The following ANKFN1 variants were observed in gnomAD, a reference collection of about 807,000 sequenced individuals.
ANKFN1 encodes the protein ankyrin repeat and fibronectin type-III domain-containing protein 1.
In ANKFN1, 74 loss-of-function variants were observed where a neutral mutation model predicts 108.7. That is an observed-to-expected ratio of 0.68 (90% CI 0.56 to 0.83). ANKFN1 has a LOEUF of 0.83. Among genes scored for constraint, ANKFN1 ranks in the 40% least tolerant of loss-of-function variants. The pLI is 0.00. For synonymous variants in ANKFN1, 547 were observed against 516.2 expected, an observed-to-expected ratio of 1.06 and a Z score of -0.81; for missense variants, 1,505 against 1,382.3, an observed-to-expected ratio of 1.09 and a Z score of -1.41.
intron 6 of ANKFN1, among the ~76,000 whole-genome samples, chr17:56,366,281 A>G (rs372770517): frequency 1.3e-5 from 2 of 152,240 alleles, no homozygotes; most frequent in South Asian, 2.1e-4. Context: ...AAAGTTTTAA[A>G]AAGTTTATCA....
intron 1 of ANKFN1, among the ~76,000 whole-genome samples, chr17:56,193,093 T>C (rs2143704863): frequency 1.1e-5 from 1 of 91,144 alleles, no homozygotes; most frequent in African/African-American, 5.9e-5. Flanking sequence ...TGAGTTCATG[T>C]CCTTTGTAGG....
At chr17:56,447,330 A>G (rs1014074271) in intron 10 of ANKFN1, among the ~76,000 whole-genome samples, 2 of 152,210 alleles carry the variant, frequency 1.3e-5, no homozygotes, top group African/African-American at 4.8e-5. Context: ...GACTCTACAA[A>G]AGGTACCTGT....
At chr17:56,059,459 G>A (rs956187631) in intron 4 of ANKFN1, among the ~76,000 whole-genome samples, 3 of 152,030 alleles carry the variant, frequency 2.0e-5, no homozygotes, top group African/African-American at 7.2e-5. Context: ...GTCAATTTTG[G>A]CTTTTGTTGC....
chr17:56,108,833 C>G (rs1310502573), intron 4 of ANKFN1, among the ~76,000 whole-genome samples: 1 of 152,180 alleles, frequency 6.6e-6, no homozygotes, highest in Non-Finnish European at 1.5e-5. Context: ...GCTTTATAAG[C>G]TGAACCTGTT....
intron 8 of ANKFN1, among the ~76,000 whole-genome samples, chr17:56,401,363 A>ATTGTGTTGTG (rs1235670711): frequency 1.0e-4 from 10 of 95,260 alleles, no homozygotes; most frequent in South Asian, 3.9e-4. Context: ...ATTGTATTGT[A>ATTGTGTTGTG]TTGTATTGTG....
intron 4 of ANKFN1, among the ~76,000 whole-genome samples, chr17:56,118,951 G>A (rs1239795472): frequency 6.6e-6 from 1 of 152,148 alleles, no homozygotes; most frequent in East Asian, 1.9e-4. Context: ...AAGGTTTCCA[G>A]TTTGGGCAAC....
chr17:56,108,669 C>A (rs1428451300), intron 4 of ANKFN1, among the ~76,000 whole-genome samples: 1 of 152,170 alleles, frequency 6.6e-6, no homozygotes, highest in Non-Finnish European at 1.5e-5. Context: ...AGAGTTCTGG[C>A]AAATGAACAA....
chr17:56,083,743 G>T (rs560374346), intron 4 of ANKFN1, among the ~76,000 whole-genome samples: 1 of 151,430 alleles, frequency 6.6e-6, no homozygotes, highest in Non-Finnish European at 1.5e-5. Flanking sequence ...CAGAGCTAAG[G>T]TGGCTGAGGG....
rs146088030 is a variant in ANKFN1, at chr17:56,326,022, G to A, written c.54-199G>A. On this transcript the variant is annotated intron_variant, in intron 3 of 20. Coordinates refer to ENST00000682825, the MANE Select transcript of ANKFN1 (RefSeq NM_001370326.1). Reference sequence around the variant, plus strand: ...AAGTCATGGTATCCTTTCACTACACGCACACAAGCTACAGGAATCAAGCCT... The same window carrying A: ...AAGTCATGGTATCCTTTCACTACACACACACAAGCTACAGGAATCAAGCCT... Among the ~76,000 whole-genome samples, 240 of 152,254 alleles carry A rather than the reference G, an allele frequency of 1.6e-3. 1 individual carries two copies. Among genetic ancestry groups the A allele is most frequent in the Non-Finnish European group, 3.0e-3 (202 of 68,018 alleles).
chr17:56,266,128 T>G (rs1248847989), intron 3 of ANKFN1, among the ~76,000 whole-genome samples: 4 of 152,204 alleles, frequency 2.6e-5, no homozygotes, highest in Non-Finnish European at 5.9e-5. Flanking sequence ...AATAACACTG[T>G]TTATCTGGGC....
intron 1 of ANKFN1, among the ~76,000 whole-genome samples, chr17:56,210,766 G>A (rs1032318220): frequency 1.3e-5 from 2 of 152,130 alleles, no homozygotes; most frequent in African/African-American, 4.8e-5. Flanking sequence ...CTCTTCACAG[G>A]GTAGCAGGAG....
intron 3 of ANKFN1, among the ~76,000 whole-genome samples, chr17:56,302,982 G>T (rs2044716531): frequency 6.6e-6 from 1 of 152,190 alleles, no homozygotes; most frequent in Admixed American, 6.5e-5. Context: ...AATGTATGCT[G>T]CCTGTTTATA....
chr17:56,467,843 AAAGAAAGAAAAAGG>A (rs2050179295), intron 15 of ANKFN1, among the ~76,000 whole-genome samples: 2 of 25,294 alleles, frequency 7.9e-5, no homozygotes, highest in African/African-American at 1.4e-4. Context: ...AGAAAGAAAG[AAAGAAAGAAAAAGG>A]GAAAGAAAGA....
At chr17:56,263,788 A>T (rs955249075) in intron 3 of ANKFN1, among the ~76,000 whole-genome samples, 3 of 152,186 alleles carry the variant, frequency 2.0e-5, no homozygotes, top group Non-Finnish European at 4.4e-5. Flanking sequence ...TGTTTATTTG[A>T]GCAGTCTCTT....
chr17:56,423,841 G>A (rs1327431225), intron 8 of ANKFN1, among the ~76,000 whole-genome samples: 1 of 152,124 alleles, frequency 6.6e-6, no homozygotes, highest in East Asian at 1.9e-4. Context: ...TGCATGCTGG[G>A]CTATGATAAT....
chr17:56,325,296 G>A (rs897216983), intron 3 of ANKFN1, among the ~76,000 whole-genome samples: 4 of 151,096 alleles, frequency 2.6e-5, no homozygotes, highest in Admixed American at 6.6e-5. Flanking sequence ...GTGTGTGCAC[G>A]TGTGCAGTAT....
At chr17:56,337,185 T>C (rs961841727) in intron 4 of ANKFN1, among the ~76,000 whole-genome samples, 6 of 152,170 alleles carry the variant, frequency 3.9e-5, no homozygotes, top group African/African-American at 1.4e-4. Context: ...CTGAGAAGAA[T>C]GTATATTCTG....
intron 1 of ANKFN1, among the ~76,000 whole-genome samples, chr17:56,154,254 G>C (rs754349560): frequency 2.0e-5 from 3 of 152,060 alleles, no homozygotes; most frequent in Admixed American, 2.0e-4. Flanking sequence ...TAATTCAGAA[G>C]GTTATTATTG....
At position 56,440,183 on chromosome 17, in the gene ANKFN1, T is replaced by A. The variant is rs145562206; in HGVS notation, c.911-144T>A. 3.2e-5 allele frequency: 14 copies of A among 431,506 alleles called. No individual in the cohort carries two copies. In the East Asian group the frequency reaches 4.5e-4, roughly 14 times the overall value. The allele number at this position is 431,506 out of a possible 1,614,324, so 26.7% of individuals were successfully genotyped here. A position where few individuals can be genotyped will look rare whatever the true frequency, so the allele number is the denominator to read the frequency against. On this transcript the variant is annotated intron_variant, in intron 8 of 20. Coordinates refer to ENST00000682825, the MANE Select transcript of ANKFN1 (RefSeq NM_001370326.1). ...AATTAACATCTCAAGGAATGTTGTC[T>A]GATACACCAATATAAAGAAAGGAGG...
Sources: allele counts gnomAD v4.1 joint callset (sites outside exome capture counted in the v4.1 genomes callset), GRCh38; gene constraint gnomAD v4.1.1; transcripts MANE v1.5; gene names NCBI Gene and HGNC (gene_info 2026-07-23, HGNC 2026-07-21).